COL4A2: variants seen among roughly 807,000 people sequenced by gnomAD.
COL4A2 encodes the protein collagen type IV alpha 2 chain.
A neutral mutation model predicts 200.2 loss-of-function variants in COL4A2; 99 were observed. That is an observed-to-expected ratio of 0.49 (90% CI 0.42 to 0.58). The LOEUF (loss-of-function observed/expected upper bound fraction) is 0.58, where lower values mean the gene tolerates loss of function less well. Among genes scored for constraint, COL4A2 ranks in the 20% least tolerant of loss-of-function variants. The probability of loss-of-function intolerance (pLI) is 0.00; values close to 1 mark genes in which losing one functional copy is unlikely to be tolerated. For missense variants in COL4A2, 1,950 were observed against 2,314.1 expected, an observed-to-expected ratio of 0.84 and a Z score of 3.23; for synonymous variants, 897 against 900.6, an observed-to-expected ratio of 1.00 and a Z score of 0.07.
chr13:110,400,702 A>G (rs1334138738), intron 4 of COL4A2, among the ~76,000 whole-genome samples: 4 of 152,230 alleles, frequency 2.6e-5, no homozygotes, highest in Non-Finnish European at 5.9e-5. Context: ...TTGTAATTCC[A>G]CTTCAGTAAC....
chr13:110,390,701 C>T (rs999301636), intron 4 of COL4A2, among the ~76,000 whole-genome samples: 2 of 152,308 alleles, frequency 1.3e-5, no homozygotes, highest in Non-Finnish European at 2.9e-5. Context: ...CTAAATGACA[C>T]ATTCTCAGGA....
chr13:110,312,687 T>C (rs1157632827), intron 3 of COL4A2, among the ~76,000 whole-genome samples: 1 of 152,236 alleles, frequency 6.6e-6, no homozygotes, highest in Non-Finnish European at 1.5e-5. Context: ...TCTGCTGGTG[T>C]CTACTGTGTG....
intron 4 of COL4A2, among the ~76,000 whole-genome samples, chr13:110,403,182 A>G (rs1477145038): frequency 1.3e-5 from 2 of 152,114 alleles, no homozygotes; most frequent in African/African-American, 2.4e-5. Context: ...TACAATCTCG[A>G]TGTTCTCTGC....
chr13:110,430,683 T>A (rs1880646295), intron 10 of COL4A2, 76 bp downstream of exon 10: 2 of 1,584,298 alleles, frequency 1.3e-6, no homozygotes, highest in African/African-American at 2.7e-5. Flanking sequence ...TCTTCAATGG[T>A]TGACTCCAGA....
At chr13:110,484,763 C>T (rs1883052238) in intron 32 of COL4A2, 142 bp from the exon 33 acceptor site, 4 of 1,236,342 alleles carry the variant, frequency 3.2e-6, no homozygotes, top group Non-Finnish European at 2.2e-6. Context: ...GGAGAGGCTT[C>T]TCCGGCGCCC....
chr13:110,373,069 T>A (rs1048169011), intron 4 of COL4A2, among the ~76,000 whole-genome samples: 1 of 152,244 alleles, frequency 6.6e-6, no homozygotes, highest in African/African-American at 2.4e-5. Flanking sequence ...GTCTGTTACC[T>A]GTTTTCACAG....
rs1413739575 is a variant in COL4A2 at position 110,380,907 on chromosome 13, T to C, written c.180+23355T>C. On this transcript the variant is annotated intron_variant, in intron 4 of 47. Coordinates refer to ENST00000360467, the MANE Select transcript of COL4A2 (RefSeq NM_001846.4). ...CCACGAGCTCTATGTCACACCCACATGCTCTATCTCACAACCACAGGCTCT... is the reference window on the plus strand; with the variant it reads ...CCACGAGCTCTATGTCACACCCACACGCTCTATCTCACAACCACAGGCTCT... Among the ~76,000 whole-genome samples, 4 of 100,350 alleles carry C rather than the reference T, an allele frequency of 4.0e-5. 1 individual carries two copies. Among genetic ancestry groups the C allele is most frequent in the Non-Finnish European group, 8.1e-5 (4 of 49,414 alleles). The allele number at this position is 100,350 out of a possible 152,430, so 65.8% of individuals were successfully genotyped here.
At chr13:110,332,591 A>C (rs1426611185) in intron 3 of COL4A2, among the ~76,000 whole-genome samples, 1 of 152,178 alleles carries the variant, frequency 6.6e-6, no homozygotes, top group East Asian at 1.9e-4. Context: ...GTGGTACATG[A>C]TGTTCCTAAA....
At chr13:110,367,475 G>T (rs1877805219) in intron 4 of COL4A2, among the ~76,000 whole-genome samples, 1 of 152,222 alleles carries the variant, frequency 6.6e-6, no homozygotes, top group African/African-American at 2.4e-5. Context: ...GAAGATTAAA[G>T]TTCTGGCATG....
intron 3 of COL4A2, among the ~76,000 whole-genome samples, chr13:110,309,973 G>A (rs895442311): frequency 3.9e-5 from 6 of 152,194 alleles, no homozygotes; most frequent in South Asian, 2.1e-4. Context: ...TCTGGGCGAC[G>A]GAGCAAGACT....
At chr13:110,332,798 G>C (rs1318175798) in intron 3 of COL4A2, among the ~76,000 whole-genome samples, 3 of 152,176 alleles carry the variant, frequency 2.0e-5, no homozygotes, top group Admixed American at 2.0e-4. Context: ...TAATTGACTT[G>C]TCACATATTT....
intron 3 of COL4A2, among the ~76,000 whole-genome samples, chr13:110,331,552 C>T (rs1161656685): frequency 6.6e-6 from 1 of 152,148 alleles, no homozygotes; most frequent in East Asian, 1.9e-4. Flanking sequence ...CACCCACAGC[C>T]CATGGGAGGT....
Position 110,332,993 on chromosome 13 carries a change from C to T in COL4A2, c.100-24479C>T, listed in dbSNP as rs188927915. Among the ~76,000 whole-genome samples, 622 of 152,290 alleles carry T rather than the reference C, an allele frequency of 4.1e-3. 6 individuals carry two copies. Among genetic ancestry groups the T allele is most frequent in the African/African-American group, 0.014 (590 of 41,548 alleles). On this transcript the variant is annotated intron_variant, in intron 3 of 47. Coordinates refer to ENST00000360467, the MANE Select transcript of COL4A2 (RefSeq NM_001846.4). Reference sequence around the variant, plus strand: ...GGGTGCATGAGGCTTCCCAACCCACCAGGTCCTTGCAGGCAGCCAGGCTTG... The same window carrying T: ...GGGTGCATGAGGCTTCCCAACCCACTAGGTCCTTGCAGGCAGCCAGGCTTG...
intron 25 of COL4A2, 130 bp downstream of exon 25, chr13:110,465,736 A>G: frequency 5.4e-6 from 5 of 932,768 alleles, no homozygotes; most frequent in African/African-American, 1.7e-5. Context: ...CGCACGTACA[A>G]GGGATGACCC....
At chr13:110,325,676 G>C (rs1041347830) in intron 3 of COL4A2, among the ~76,000 whole-genome samples, 1 of 152,172 alleles carries the variant, frequency 6.6e-6, no homozygotes, top group Non-Finnish European at 1.5e-5. Flanking sequence ...TGCTTACCCC[G>C]GTAGGTGCTG....
chr13:110,407,069 A>G (rs1005625878), intron 4 of COL4A2, among the ~76,000 whole-genome samples: 6 of 152,226 alleles, frequency 3.9e-5, no homozygotes, highest in Non-Finnish European at 7.3e-5. Flanking sequence ...ATGCTTCTCC[A>G]TGGTGCTGGG....
Position 110,457,305 on chromosome 13 carries a change from G to A in COL4A2, c.1340-38G>A, listed in dbSNP as rs200118220. Reference sequence around the variant, plus strand: ...CGTCTGCGTGGGACCCCAGGCGTCCGTGGGGCTCATGCCCTGCATCTGTGG... The same window carrying A: ...CGTCTGCGTGGGACCCCAGGCGTCCATGGGGCTCATGCCCTGCATCTGTGG... On this transcript the variant is annotated intron_variant, in intron 20 of 47. Coordinates refer to ENST00000360467, the MANE Select transcript of COL4A2 (RefSeq NM_001846.4). 7 of 1,330,506 alleles carry A rather than the reference G, an allele frequency of 5.3e-6. No homozygotes were observed. The East Asian group carries it at 1.2e-4, about 22-fold the overall frequency. The allele number at this position is 1,330,506 out of a possible 1,614,324, so 82.4% of individuals were successfully genotyped here.
chr13:110,320,588 G>C (rs146546033), intron 3 of COL4A2, among the ~76,000 whole-genome samples: 1 of 152,152 alleles, frequency 6.6e-6, no homozygotes, highest in South Asian at 2.1e-4. Flanking sequence ...GGATGACACC[G>C]ATAGATATTT....
intron 4 of COL4A2, among the ~76,000 whole-genome samples, chr13:110,422,191 C>T (rs917469566): frequency 6.6e-6 from 1 of 152,170 alleles, no homozygotes; most frequent in African/African-American, 2.4e-5. Flanking sequence ...CGTAGAGCTT[C>T]GTGGCATGGT....
Sources: gnomAD v4.1 joint callset for allele counts (sites outside exome capture counted in the v4.1 genomes callset) on GRCh38, gnomAD v4.1.1 for gene constraint, MANE v1.5 for transcripts, NCBI Gene and HGNC (gene_info 2026-07-23, HGNC 2026-07-21) for gene names.